Variants in GNA12 observed in about 807,000 individuals in gnomAD.
GNA12 encodes guanine nucleotide-binding protein subunit alpha-12.
GNA12 carries 9 observed loss-of-function variants against 26.0 expected under a neutral mutation model. That is an observed-to-expected ratio of 0.35 (90% CI 0.21 to 0.60). The LOEUF is 0.60. Ranked by LOEUF, GNA12 falls within the 20% of genes least tolerant of loss-of-function variation. The probability of loss-of-function intolerance (pLI) is 0.78; values close to 1 mark genes in which losing one functional copy is unlikely to be tolerated. For missense variants in GNA12, 405 were observed against 525.8 expected, an observed-to-expected ratio of 0.77 and a Z score of 2.25; for synonymous variants, 264 against 219.6, an observed-to-expected ratio of 1.20 and a Z score of -1.79.
intron 2 of GNA12, among the ~76,000 whole-genome samples, chr7:2,775,821 T>C (rs920078504): frequency 6.6e-6 from 1 of 152,220 alleles, no homozygotes; most frequent in Non-Finnish European, 1.5e-5. Context: ...CCCACAGAGC[T>C]GGCAGAGTCC....
rs80106595 is a variant in GNA12 at position 2,730,759 on chromosome 7, T to A, written c.*422A>T. 1 of 167,308 alleles carries A rather than the reference T, an allele frequency of 6.0e-6. No homozygotes were observed. Among genetic ancestry groups the A allele is most frequent in the African/African-American group, 2.4e-5 (1 of 41,968 alleles). 10.4% of individuals were successfully genotyped at this position (167,308 alleles called of 1,614,324 possible). ...CAGGTTAGTCTGTCTCAGGGAAGAC[T>A]TGTGAGTTAGAAAAGCCGTCTGCAA... is the stretch of plus-strand genomic sequence containing the variant. On this transcript the variant is annotated 3_prime_UTR_variant, in exon 4 of 4. Transcript: ENST00000275364.
At position 2,733,366 on chromosome 7, in the gene GNA12, G is replaced by A; in HGVS notation, c.576+85C>T. 10 of 1,110,160 alleles carry A rather than the reference G, an allele frequency of 9.0e-6. No individual in the cohort carries two copies. In the South Asian group the frequency reaches 1.2e-4, roughly 13 times the overall value. The allele number at this position is 1,110,160 out of a possible 1,614,324, so 68.8% of individuals were successfully genotyped here. A position where few individuals can be genotyped will look rare whatever the true frequency, so the allele number is the denominator to read the frequency against. ...AGCTCGGCCTGTCAGTCCAGCCAAA[G>A]TCCTCACAACGTGGACTGCTTTGGT... is the stretch of plus-strand genomic sequence containing the variant. On this transcript the variant is annotated intron_variant, in intron 3 of 3. Coordinates refer to ENST00000275364, the MANE Select transcript of GNA12 (RefSeq NM_007353.3).
intron 2 of GNA12, among the ~76,000 whole-genome samples, chr7:2,734,992 C>T (rs1376687920): frequency 6.6e-6 from 1 of 152,212 alleles, no homozygotes; most frequent in Non-Finnish European, 1.5e-5. Context: ...GGGAAGCCAG[C>T]GTGAGGCCGG....
rs1779092855 is a variant in GNA12, at chr7:2,844,039, G to C, written c.123C>G (p.Arg41=). Residue 41 remains arginine (R), a synonymous_variant, in exon 1 of 4, where the codon CGC becomes CGG. Coordinates refer to ENST00000275364, the MANE Select transcript of GNA12 (RefSeq NM_007353.3). ...DAEREARRRS[R]DIDALLARER... The stretch of plus-strand genomic sequence containing the variant: ...CGCGGGCCAGCAGCGCGTCGATGTC[G>C]CGGCTACGCCTCCGGGCCTCGCGCT... 7.1e-7 allele frequency: 1 copy of C among 1,418,220 alleles called. No homozygotes were observed. Among genetic ancestry groups the C allele is most frequent in the African/African-American group, 1.5e-5 (1 of 66,890 alleles). 87.9% of individuals were successfully genotyped at this position (1,418,220 alleles called of 1,614,324 possible).
At chr7:2,746,471 G>A (rs1260414148) in intron 2 of GNA12, among the ~76,000 whole-genome samples, 3 of 152,092 alleles carry the variant, frequency 2.0e-5, no homozygotes, top group African/African-American at 4.8e-5. Context: ...TGAAACCAAC[G>A]AGAACAAAGA....
At chr7:2,822,932 C>T (rs1021976454) in intron 1 of GNA12, among the ~76,000 whole-genome samples, 4 of 152,214 alleles carry the variant, frequency 2.6e-5, no homozygotes, top group African/African-American at 4.8e-5. Context: ...TAAAAAGGTG[C>T]TCCCTAGATT....
At chr7:2,808,394 G>T (rs745968262) in intron 1 of GNA12, among the ~76,000 whole-genome samples, 4 of 152,236 alleles carry the variant, frequency 2.6e-5, no homozygotes, top group Non-Finnish European at 2.9e-5. Flanking sequence ...GGTGTGGGCC[G>T]AGCTGACTGT....
chr7:2,731,448 G>A lies in GNA12; in HGVS notation c.879C>T (p.Leu293=), dbSNP rs778710393. ...NKLFFNVSII[L]FLNKMDLLVE... Reference sequence around the variant, plus strand: ...CCAGGAGGTCCATCTTGTTGAGGAAGAGAATGATGGAGACGTTGAAGAAGA... The same window carrying A: ...CCAGGAGGTCCATCTTGTTGAGGAAAAGAATGATGGAGACGTTGAAGAAGA... Residue 293 remains leucine, a synonymous_variant, in exon 4 of 4, where the codon CTC becomes CTT. Transcript: ENST00000275364. This position sits in a 1 kb window ranked among gnomAD's most constrained non-coding sequence, Gnocchi z 6.0. The A allele has an allele frequency of 1.2e-5, 20 of 1,613,754 alleles. No homozygotes were observed. The highest frequency in any genetic ancestry group is 4.0e-5 in the African/African-American group (3 of 74,912).
At chr7:2,799,076 C>T (rs1792746689) in intron 1 of GNA12, among the ~76,000 whole-genome samples, 1 of 152,130 alleles carries the variant, frequency 6.6e-6, no homozygotes, top group African/African-American at 2.4e-5. Flanking sequence ...GTAGGGTGTG[C>T]TCAAAGTTCT....
At chr7:2,832,705 C>T (rs1778711858) in intron 1 of GNA12, among the ~76,000 whole-genome samples, 1 of 152,178 alleles carries the variant, frequency 6.6e-6, no homozygotes, top group African/African-American at 2.4e-5. Context: ...GGACTTCAGA[C>T]TAGACAGTAA....
chr7:2,741,334 AAC>A (rs1790493027), intron 2 of GNA12, among the ~76,000 whole-genome samples: 1 of 152,124 alleles, frequency 6.6e-6, no homozygotes, highest in South Asian at 2.1e-4. Flanking sequence ...AGGCCTGGGC[AAC>A]AGAGTGAGAC....
intron 1 of GNA12, among the ~76,000 whole-genome samples, chr7:2,828,128 C>A (rs997589629): frequency 6.6e-6 from 1 of 152,052 alleles, no homozygotes; most frequent in Non-Finnish European, 1.5e-5. Context: ...TTTACACATT[C>A]TAAAAATATT....
At chr7:2,780,380 T>C (rs1181459763) in intron 2 of GNA12, among the ~76,000 whole-genome samples, 1 of 152,120 alleles carries the variant, frequency 6.6e-6, no homozygotes, top group Non-Finnish European at 1.5e-5. Context: ...AAAATTATTA[T>C]TGTAAATTAT....
At chr7:2,767,375 T>C (rs1791833912) in intron 2 of GNA12, among the ~76,000 whole-genome samples, 1 of 152,246 alleles carries the variant, frequency 6.6e-6, no homozygotes, top group African/African-American at 2.4e-5. Context: ...TTCGTGATTA[T>C]GTTTAAGTCT....
At chr7:2,838,402 C>T (rs1250831779) in intron 1 of GNA12, among the ~76,000 whole-genome samples, 1 of 151,946 alleles carries the variant, frequency 6.6e-6, no homozygotes, top group Non-Finnish European at 1.5e-5. Context: ...CATAGTGGAA[C>T]CCTATCTACA....
intron 2 of GNA12, among the ~76,000 whole-genome samples, chr7:2,747,221 A>G (rs921515444): frequency 8.5e-5 from 13 of 152,364 alleles, no homozygotes; most frequent in African/African-American, 3.1e-4. Context: ...CAACCAAAAA[A>G]GAGAATTTTA....
chr7:2,791,138 G>A (rs1280200517), intron 2 of GNA12, among the ~76,000 whole-genome samples: 1 of 152,192 alleles, frequency 6.6e-6, no homozygotes, highest in Admixed American at 6.5e-5. Flanking sequence ...TATTAAAAAA[G>A]AGGACAGACA....
intron 2 of GNA12, among the ~76,000 whole-genome samples, chr7:2,757,129 CTTTT>C (rs71026549): frequency 1.1e-3 from 102 of 93,960 alleles, no homozygotes; most frequent in Middle Eastern, 7.6e-3. Context: ...TCAGGTGGGC[CTTTT>C]TTTTTTTTTT....
chr7:2,778,809 G>C (rs75121653), intron 2 of GNA12, among the ~76,000 whole-genome samples: 3,578 of 152,284 alleles, frequency 0.023, 106 homozygotes, highest in Middle Eastern at 0.075. Flanking sequence ...AATGGTGAGA[G>C]TCCAGGGCTC....
Sources: allele counts gnomAD v4.1 joint callset (sites outside exome capture counted in the v4.1 genomes callset), GRCh38; gene constraint gnomAD v4.1.1; non-coding constraint Gnocchi (gnomAD v3.1); transcripts MANE v1.5; gene names NCBI Gene and HGNC (gene_info 2026-07-23, HGNC 2026-07-21).